The following GBF1 variants were observed in gnomAD, a reference collection of about 807,000 sequenced individuals.
GBF1 encodes the protein golgi brefeldin A resistant guanine nucleotide exchange factor 1, also known as Golgi-specific brefeldin A-resistance guanine nucleotide exchange factor 1.
GBF1 carries 114 observed loss-of-function variants against 210.5 expected under a neutral mutation model. The ratio of observed to expected loss-of-function variants is 0.54; its 90% CI spans 0.47 to 0.63. GBF1 has a LOEUF of 0.63. GBF1 is among the 30% of genes least tolerant of loss of function. The pLI, the probability that GBF1 is intolerant of heterozygous loss-of-function variation, is 0.00. For synonymous variants in GBF1, 850 were observed against 889.2 expected, an observed-to-expected ratio of 0.96 and a Z score of 0.78; for missense variants, 1,851 against 2,357.7, an observed-to-expected ratio of 0.79 and a Z score of 4.45.
chr10:102,302,040 A>G (rs2077422640), intron 3 of GBF1, among the ~76,000 whole-genome samples: 1 of 152,248 alleles, frequency 6.6e-6, no homozygotes, highest in Non-Finnish European at 1.5e-5. Flanking sequence ...AGGCTGGCAG[A>G]TCACTCGCGG....
At chr10:102,238,617 T>G in the GBF1 span, among the ~76,000 whole-genome samples, 15 of 152,228 alleles carry the variant, frequency 9.9e-5, no homozygotes, top group Non-Finnish European at 1.8e-4. Context: ...AGCTTGGGCA[T>G]AATAATAGCA....
At chr10:102,333,291 G>A (rs775074792) in intron 3 of GBF1, among the ~76,000 whole-genome samples, 12 of 152,158 alleles carry the variant, frequency 7.9e-5, no homozygotes, top group Non-Finnish European at 1.3e-4. Context: ...GGACCTGTCC[G>A]TTGACAGTGT....
intron 3 of GBF1, among the ~76,000 whole-genome samples, chr10:102,281,546 T>A (rs948626457): frequency 6.7e-6 from 1 of 149,518 alleles, no homozygotes. Flanking sequence ...AATTATATTT[T>A]TATAAATTAT....
At chr10:102,368,961 C>T in intron 23 of GBF1, 129 bp downstream of exon 23, 1 of 677,694 alleles carries the variant, frequency 1.5e-6, no homozygotes, top group Non-Finnish European at 2.6e-6. Context: ...TTGAATATAC[C>T]AGAGCTTAGG....
rs777562233 is a variant in GBF1 at position 102,382,708 on chromosome 10, T to G, written c.*372T>G. On this transcript the variant is annotated 3_prime_UTR_variant, in exon 40 of 40. Transcript: ENST00000369983. Reference sequence around the variant, plus strand: ...TCTGCACTTTGTTTCCCACTCCCATTAGCCCTGGGCCACCTCCTCCAGTTC... The same window carrying G: ...TCTGCACTTTGTTTCCCACTCCCATGAGCCCTGGGCCACCTCCTCCAGTTC... 11 of 199,650 alleles carry G rather than the reference T, an allele frequency of 5.5e-5. No homozygotes were observed. The highest frequency in any genetic ancestry group is 9.1e-5 in the Non-Finnish European group (9 of 98,900). The allele number at this position is 199,650 out of a possible 1,614,324, so 12.4% of individuals were successfully genotyped here. A position where few individuals can be genotyped will look rare whatever the true frequency, so the allele number is the denominator to read the frequency against.
intron 38 of GBF1, 132 bp from the exon 39 acceptor site, chr10:102,380,995 A>C: frequency 2.3e-6 from 1 of 427,296 alleles, no homozygotes; most frequent in Non-Finnish European, 3.9e-6. Context: ...ATTCCATCTC[A>C]AAAAAAAAAA....
intron 28 of GBF1, 95 bp from the exon 29 acceptor site, chr10:102,370,612 G>C (rs2060154277): frequency 2.4e-5 from 32 of 1,350,976 alleles, no homozygotes; most frequent in Non-Finnish European, 3.3e-5. Flanking sequence ...TGTCTACTTA[G>C]GGTATAATAC....
intron 3 of GBF1, among the ~76,000 whole-genome samples, chr10:102,282,541 T>G (rs983374110): frequency 6.6e-6 from 1 of 152,096 alleles, no homozygotes; most frequent in African/African-American, 2.4e-5. Flanking sequence ...GGAGACAAAT[T>G]AACATTATTA....
chr10:102,344,581 T>C (rs1319388977), intron 4 of GBF1, among the ~76,000 whole-genome samples: 1 of 151,950 alleles, frequency 6.6e-6, no homozygotes, highest in Non-Finnish European at 1.5e-5. Context: ...CCCGGGTTCA[T>C]GCCAGTCTCC....
At chr10:102,375,225 C>T (rs548533840) in intron 29 of GBF1, 134 bp from the exon 30 acceptor site, 110 of 603,718 alleles carry the variant, frequency 1.8e-4, no homozygotes, top group African/African-American at 1.6e-3. Flanking sequence ...AAGACCAGAG[C>T]AGTATCCTAA....
chr10:102,325,308 G>A (rs1565111743), intron 3 of GBF1, among the ~76,000 whole-genome samples: 1 of 152,090 alleles, frequency 6.6e-6, no homozygotes, highest in Non-Finnish European at 1.5e-5. Flanking sequence ...CAGCACTTTG[G>A]GAGGCCAAGG....
Position 102,377,051 on chromosome 10 carries a change from C to G in GBF1, c.4405C>G (p.His1469Asp), listed in dbSNP as rs1170383958. 1.9e-6 allele frequency: 3 copies of G among 1,614,184 alleles called. No individual in the cohort carries two copies. The highest frequency in any genetic ancestry group is 2.5e-6 in the Non-Finnish European group (3 of 1,180,016). ...TCGCCGGCCTCGAACCTCCAGCCAA[C>G]ATGCCTCTCGGGGCGGGCAGAGTGA... is the stretch of plus-strand genomic sequence containing the variant. ...MLRRPRTSSQ[H>D]ASRGGQSDDD... The change falls in exon 33 of 40, where the codon CAT (histidine) becomes GAT (aspartate). Residue 1469 changes from histidine (H) to aspartate (D), a missense_variant. His to Asp is a moderately conservative substitution (Grantham distance 81, BLOSUM62 -1). This residue lies in a region of GBF1 where 967 missense variants were observed against 1,247.7 expected (regional missense o/e 0.78). Transcript: ENST00000369983.
At chr10:102,307,025 A>G (rs1011064011) in intron 3 of GBF1, among the ~76,000 whole-genome samples, 1 of 152,230 alleles carries the variant, frequency 6.6e-6, no homozygotes, top group Non-Finnish European at 1.5e-5. Flanking sequence ...GGGAGAAGTT[A>G]CTAAATTTAG....
At chr10:102,345,274 T>A (rs2058461918) in intron 4 of GBF1, among the ~76,000 whole-genome samples, 1 of 132,534 alleles carries the variant, frequency 7.5e-6, no homozygotes, top group Non-Finnish European at 1.6e-5. Flanking sequence ...AGAGCGAGAC[T>A]CTGTCTCAAA....
intron 3 of GBF1, among the ~76,000 whole-genome samples, chr10:102,337,201 AC>A (rs1176838504): frequency 4.0e-5 from 6 of 151,502 alleles, no homozygotes; most frequent in African/African-American, 1.5e-4. Flanking sequence ...ACGCGGCGAA[AC>A]CCCATCTCTA....
chr10:102,308,929 G>A (rs536744913), intron 3 of GBF1, among the ~76,000 whole-genome samples: 1 of 152,002 alleles, frequency 6.6e-6, no homozygotes, highest in Admixed American at 6.5e-5. Context: ...TCTACTTCAT[G>A]ATGCCATTTA....
intron 1 of GBF1, among the ~76,000 whole-genome samples, chr10:102,252,857 A>G (rs1421496665): frequency 6.6e-6 from 1 of 151,996 alleles, no homozygotes; most frequent in African/African-American, 2.4e-5. Flanking sequence ...AAAAAAAAAA[A>G]AGGAACTTTT....
chr10:102,288,144 C>T (rs919060236), intron 3 of GBF1, among the ~76,000 whole-genome samples: 5 of 152,154 alleles, frequency 3.3e-5, no homozygotes, highest in African/African-American at 1.2e-4. Flanking sequence ...CTCCTCTACC[C>T]GTTTTGCTGG....
At chr10:102,287,076 TG>T (rs1291942361) in intron 3 of GBF1, among the ~76,000 whole-genome samples, 3 of 152,308 alleles carry the variant, frequency 2.0e-5, no homozygotes, top group South Asian at 2.1e-4. Flanking sequence ...TAGCTTTTAA[TG>T]GTATCATAGG....
Sources: allele counts gnomAD v4.1 joint callset (sites outside exome capture counted in the v4.1 genomes callset), GRCh38; gene constraint gnomAD v4.1.1; regional missense constraint gnomAD v4.1.1; transcripts MANE v1.5; gene names NCBI Gene and HGNC (gene_info 2026-07-23, HGNC 2026-07-21).